DNTTIP1: variants seen among roughly 807,000 people sequenced by gnomAD.
DNTTIP1 encodes deoxynucleotidyltransferase terminal-interacting protein 1.
Under a neutral mutation model 52.9 loss-of-function variants are expected in DNTTIP1, and 22 were observed. The observed-to-expected ratio is 0.42, with a 90% CI of 0.30 to 0.59. DNTTIP1 has a LOEUF of 0.59. DNTTIP1 is among the 20% of genes least tolerant of loss of function. The pLI is 0.22. For missense variants in DNTTIP1, 286 were observed against 435.5 expected, an observed-to-expected ratio of 0.66 and a Z score of 3.06; for synonymous variants, 136 against 155.1, an observed-to-expected ratio of 0.88 and a Z score of 0.92.
intron 10 of DNTTIP1, among the ~76,000 whole-genome samples, chr20:45,807,530 C>T (rs1164599862): frequency 6.6e-6 from 1 of 152,142 alleles, no homozygotes; most frequent in East Asian, 1.9e-4. Context: ...ATTTTTCTCT[C>T]CTTCAGAAGG....
chr20:45,796,948 C>G (rs961346948), intron 4 of DNTTIP1, among the ~76,000 whole-genome samples: 1 of 152,198 alleles, frequency 6.6e-6, no homozygotes, highest in Admixed American at 6.5e-5. Context: ...TCTCACCCCC[C>G]GCCTCTAACT....
In DNTTIP1 at chr20:45,802,069, C is replaced by A; in HGVS notation, c.557+12C>A. ...GCCGCCGGCATGGTGTGAGTAGGGA[C>A]CAACAGTGTGGTGAGAGCATAGGGG... On this transcript the variant is annotated intron_variant, in intron 7 of 12. Transcript: ENST00000372622. 1 of 1,613,936 alleles carries A rather than the reference C, an allele frequency of 6.2e-7. No homozygotes were observed. Among genetic ancestry groups the A allele is most frequent in the Non-Finnish European group, 8.5e-7 (1 of 1,179,978 alleles).
intron 6 of DNTTIP1, 77 bp from the exon 7 acceptor site, chr20:45,801,922 A>G (rs750255975): frequency 2.4e-5 from 33 of 1,395,076 alleles, no homozygotes; most frequent in Non-Finnish European, 3.4e-5. Flanking sequence ...CATCTCTGCC[A>G]AGTGACCCTG....
At chr20:45,805,485 T>A in intron 10 of DNTTIP1, 119 bp downstream of exon 10, 1 of 1,108,524 alleles carries the variant, frequency 9.0e-7, no homozygotes, top group South Asian at 1.6e-5. Flanking sequence ...TGGGTTCTAG[T>A]TGTGCCTCTG....
At chr20:45,800,049 G>A (rs1406774205) in intron 4 of DNTTIP1, among the ~76,000 whole-genome samples, 1 of 151,766 alleles carries the variant, frequency 6.6e-6, no homozygotes, top group African/African-American at 2.4e-5. Context: ...GAACCTGGGA[G>A]GCGGAGATTG....
chr20:45,800,227 G>A (rs184127852), intron 4 of DNTTIP1, among the ~76,000 whole-genome samples: 1 of 152,160 alleles, frequency 6.6e-6, no homozygotes, highest in Non-Finnish European at 1.5e-5. Flanking sequence ...GGAAAAGCAA[G>A]GAAGAATTTA....
chr20:45,802,075 G>A lies in DNTTIP1; in HGVS notation c.557+18G>A. Reference sequence around the variant, plus strand: ...GGCATGGTGTGAGTAGGGACCAACAGTGTGGTGAGAGCATAGGGGAGCAGA... The same window carrying A: ...GGCATGGTGTGAGTAGGGACCAACAATGTGGTGAGAGCATAGGGGAGCAGA... On this transcript the variant is annotated intron_variant, in intron 7 of 12. Coordinates refer to ENST00000372622, the MANE Select transcript of DNTTIP1 (RefSeq NM_052951.3). The A allele has an allele frequency of 6.2e-7, 1 of 1,613,918 alleles. No individual in the cohort carries two copies. The highest frequency in any genetic ancestry group is 8.5e-7 in the Non-Finnish European group (1 of 1,179,952).
intron 4 of DNTTIP1, among the ~76,000 whole-genome samples, chr20:45,799,550 A>G (rs748427440): frequency 6.6e-6 from 1 of 152,106 alleles, no homozygotes; most frequent in Non-Finnish European, 1.5e-5. Context: ...AGCCTCCTTC[A>G]CATCTCAACT....
At chr20:45,801,633 A>C (rs560938503) in intron 6 of DNTTIP1, among the ~76,000 whole-genome samples, 175 bp downstream of exon 6, 1 of 152,236 alleles carries the variant, frequency 6.6e-6, no homozygotes, top group Non-Finnish European at 1.5e-5. Context: ...TAAAATAAAA[A>C]AAAAATTAGC....
At chr20:45,797,873 C>T (rs1981293666) in intron 4 of DNTTIP1, among the ~76,000 whole-genome samples, 1 of 152,194 alleles carries the variant, frequency 6.6e-6, no homozygotes. Context: ...AACACTTTTA[C>T]ACTGTTGGTG....
chr20:45,806,740 C>T (rs1181296892), intron 10 of DNTTIP1, among the ~76,000 whole-genome samples: 1 of 152,238 alleles, frequency 6.6e-6, no homozygotes, highest in African/African-American at 2.4e-5. Flanking sequence ...TCCTCGAGTC[C>T]CAACACTTAA....
intron 8 of DNTTIP1, among the ~76,000 whole-genome samples, chr20:45,803,657 C>G (rs1220596836): frequency 2.0e-5 from 3 of 152,182 alleles, no homozygotes; most frequent in Non-Finnish European, 2.9e-5. Flanking sequence ...TAGTATGTAA[C>G]GGGCAGTGTC....
chr20:45,800,952 C>G, intron 4 of DNTTIP1, 122 bp from the exon 5 acceptor site: 1 of 793,390 alleles, frequency 1.3e-6, no homozygotes, highest in Non-Finnish European at 2.1e-6. Flanking sequence ...CAAGATGGTG[C>G]TGCTGCACTC....
intron 7 of DNTTIP1, 49 bp from the exon 8 acceptor site, chr20:45,803,284 C>T (rs745929552): frequency 3.8e-5 from 60 of 1,599,276 alleles, no homozygotes; most frequent in Non-Finnish European, 5.0e-5. Context: ...GGCATTTAGT[C>T]CTAGGTCTCA....
intron 1 of DNTTIP1, among the ~76,000 whole-genome samples, 195 bp downstream of exon 1, chr20:45,792,304 CT>C (rs942219436): frequency 6.6e-6 from 1 of 152,212 alleles, no homozygotes; most frequent in Non-Finnish European, 1.5e-5. Flanking sequence ...TGTCAACCCC[CT>C]GAGTCCCAGG....
Position 45,811,102 on chromosome 20 carries a change from A to C in DNTTIP1, c.897A>C (p.Leu299=), listed in dbSNP as rs1385133719. The C allele has an allele frequency of 6.2e-7, 1 of 1,613,878 alleles. No individual in the cohort carries two copies. The highest frequency in any genetic ancestry group is 8.5e-7 in the Non-Finnish European group (1 of 1,179,976). The part of the protein sequence containing the change: ...LKLEELKSFV[L]PSWMVEKMRK... ...TAGAGGAATTGAAATCCTTTGTCCT[A>C]CCCTCCTGGATGGTGGAGAAGATGA... is the stretch of plus-strand genomic sequence containing the variant. The change falls in exon 13 of 13, where the codon CTA becomes CTC. Residue 299 remains leucine, a synonymous_variant. Coordinates refer to ENST00000372622, the MANE Select transcript of DNTTIP1 (RefSeq NM_052951.3).
intron 11 of DNTTIP1, among the ~76,000 whole-genome samples, chr20:45,810,318 G>A (rs1429748977): frequency 3.3e-5 from 5 of 152,184 alleles, no homozygotes; most frequent in Non-Finnish European, 7.3e-5. Flanking sequence ...CATTTCTACA[G>A]GCCCCAGTAC....
chr20:45,804,410 C>T (rs8124479), intron 8 of DNTTIP1, among the ~76,000 whole-genome samples: 22 of 152,120 alleles, frequency 1.4e-4, no homozygotes, highest in African/African-American at 5.1e-4. Flanking sequence ...TTTATCACAG[C>T]GGCCTCTAAA....
At chr20:45,806,541 T>G (rs1227375352) in intron 10 of DNTTIP1, among the ~76,000 whole-genome samples, 1 of 152,228 alleles carries the variant, frequency 6.6e-6, no homozygotes, top group Non-Finnish European at 1.5e-5. Context: ...CGAAGTAGAT[T>G]AGAAGAATAG....
Sources: gnomAD v4.1 joint callset for allele counts (sites outside exome capture counted in the v4.1 genomes callset) on GRCh38, gnomAD v4.1.1 for gene constraint, MANE v1.5 for transcripts, NCBI Gene and HGNC (gene_info 2026-07-23, HGNC 2026-07-21) for gene names.